The following DNAJC13 variants were observed in gnomAD, a reference collection of about 807,000 sequenced individuals.
The protein encoded by DNAJC13 is dnaJ homolog subfamily C member 13.
In DNAJC13, 75 loss-of-function variants were observed where a neutral mutation model predicts 290.5. That is an observed-to-expected ratio of 0.26 (90% CI 0.21 to 0.31). The LOEUF is 0.31. Among genes scored for constraint, DNAJC13 ranks in the 10% least tolerant of loss-of-function variants. DNAJC13 has a pLI of 1.00. For missense variants in DNAJC13, 2,260 were observed against 2,674.5 expected (o/e 0.85, Z 3.42); for synonymous variants, 862 against 892.0 (o/e 0.97, Z 0.60).
Position 132,500,829 on chromosome 3 carries a change from T to C in DNAJC13, c.4452T>C (p.Ala1484=), listed in dbSNP as rs1488683716. 3.1e-6 allele frequency: 5 copies of C among 1,614,102 alleles called. No homozygotes were observed. Among genetic ancestry groups the C allele is most frequent in the Non-Finnish European group, 4.2e-6 (5 of 1,179,946 alleles). Residue 1484 remains alanine (A), a synonymous_variant, in exon 39 of 56, where the codon GCT becomes GCC. Transcript: ENST00000260818. ...CGYISKCYSV[A]AQFEECREKI... is the part of the protein sequence containing the mutation. ...ACATAAGTAAATGCTACAGTGTGGC[T>C]GCTCAGTTTGAGGAATGCCGAGAGA...
At chr3:132,533,525 G>A (rs534431758) in intron 55 of DNAJC13, among the ~76,000 whole-genome samples, 2 of 151,902 alleles carry the variant, frequency 1.3e-5, no homozygotes, top group South Asian at 2.1e-4. Context: ...TAGTAGAGAC[G>A]GGGTTTTGCT....
At chr3:132,506,034 C>G (rs1301511899) in intron 42 of DNAJC13, among the ~76,000 whole-genome samples, 1 of 117,300 alleles carries the variant, frequency 8.5e-6, no homozygotes, top group Non-Finnish European at 1.8e-5. Context: ...TCTTACATGT[C>G]TGTACATTAT....
intron 39 of DNAJC13, 54 bp from the exon 40 acceptor site, chr3:132,502,235 T>C: frequency 1.6e-6 from 1 of 641,926 alleles, no homozygotes. Context: ...TTGGGAGCTT[T>C]TTTTTTTTTT....
At chr3:132,493,657 A>C (rs184757109) in intron 33 of DNAJC13, among the ~76,000 whole-genome samples, 180 of 151,984 alleles carry the variant, frequency 1.2e-3, no homozygotes, top group African/African-American at 4.2e-3. Flanking sequence ...CTTGTGTTCT[A>C]TCCGTTACAT....
At chr3:132,457,413 C>A in intron 13 of DNAJC13, 45 bp downstream of exon 13, 1 of 1,497,664 alleles carries the variant, frequency 6.7e-7, no homozygotes, top group Non-Finnish European at 9.2e-7. Flanking sequence ...CTTAAGTTGA[C>A]TGGTGGTTTT....
intron 21 of DNAJC13, 107 bp downstream of exon 21, chr3:132,473,334 T>A: frequency 1.4e-6 from 1 of 727,534 alleles, no homozygotes. Context: ...CCACATGTAT[T>A]TTTATGCCAT....
chr3:132,462,461 T>A lies in DNAJC13; in HGVS notation c.1714-6T>A. 2.5e-6 allele frequency: 4 copies of A among 1,609,124 alleles called. No homozygotes were observed. The highest frequency in any genetic ancestry group is 3.4e-6 in the Non-Finnish European group (4 of 1,178,306). ...TTTTTGATACTTTTTCCCCCTCACT[T>A]TAAAGCATCCTTCCATGGCAATAAT... On this transcript the variant is annotated splice_region_variant and splice_polypyrimidine_tract_variant and intron_variant, in intron 15 of 55. Coordinates refer to ENST00000260818, the MANE Select transcript of DNAJC13 (RefSeq NM_015268.4).
Position 132,460,331 on chromosome 3 carries a change from T to C in DNAJC13, c.1531T>C (p.Leu511=). The C allele has an allele frequency of 1.2e-6, 2 of 1,611,370 alleles. No individual in the cohort carries two copies. Residue 511 remains leucine (L), a synonymous_variant, in exon 14 of 56, where the codon TTA becomes CTA. Transcript: ENST00000260818. The stretch of plus-strand genomic sequence containing the variant: ...CTCGTCAAAGAAGTTTCTGGAAAAC[T>C]TACTGGAGAAATTTAATTCCCATGT... ...LLSSKKFLEN[L]LEKFNSHVDH... is the part of the protein sequence containing the mutation.
chr3:132,525,539 A>G (rs1936227649), intron 51 of DNAJC13, 71 bp from the exon 52 acceptor site: 1 of 1,503,968 alleles, frequency 6.6e-7, no homozygotes, highest in African/African-American at 1.4e-5. Context: ...TGAACACCAA[A>G]TACATTACCT....
chr3:132,500,869 C>A lies in DNAJC13; in HGVS notation c.4492C>A (p.Pro1498Thr). 1 of 1,613,934 alleles carries A rather than the reference C, an allele frequency of 6.2e-7. No individual in the cohort carries two copies. Among genetic ancestry groups the A allele is most frequent in the Admixed American group, 1.7e-5 (1 of 60,004 alleles). Residue 1498 changes from proline (P) to threonine (T), a missense_variant, in exon 39 of 56, where the codon CCT becomes ACT. Physicochemically the swap from Pro to Thr is conservative, Grantham distance 38. Transcript: ENST00000260818. ...ATGCCGAGAGAAGATCACGGAAATG[C>A]CTAGCATCATCAAGGATCTCTGTCG... ...EECREKITEM[P>T]SIIKDLCRVL...
At chr3:132,425,016 T>TA (rs1372073959) in intron 1 of DNAJC13, among the ~76,000 whole-genome samples, 1 of 152,118 alleles carries the variant, frequency 6.6e-6, no homozygotes, top group African/African-American at 2.4e-5. Flanking sequence ...TTAATCTGGG[T>TA]AAAAATGAAC....
At chr3:132,495,547 A>G (rs1003801012) in intron 35 of DNAJC13, among the ~76,000 whole-genome samples, 3 of 152,190 alleles carry the variant, frequency 2.0e-5, no homozygotes, top group Non-Finnish European at 2.9e-5. Flanking sequence ...ATTTTTTCCA[A>G]TGACATCCAA....
chr3:132,471,345 A>AC (rs1313255346), intron 20 of DNAJC13, among the ~76,000 whole-genome samples: 4,554 of 76,984 alleles, frequency 0.059, 262 homozygotes, highest in African/African-American at 0.18. Flanking sequence ...CGGGGGGTTG[A>AC]CCCCCCCCCA....
chr3:132,507,430 A>C (rs1469996223), intron 43 of DNAJC13, 77 bp downstream of exon 43: 1 of 825,160 alleles, frequency 1.2e-6, no homozygotes, highest in East Asian at 2.5e-5. Flanking sequence ...TTCACACTTT[A>C]TAGAGGCACA....
In DNAJC13 at chr3:132,417,741, C is replaced by T. The variant is rs1559859828; in HGVS notation, c.-33C>T. Reference sequence around the variant, plus strand: ...CGGCGGGAGGAGCTAGGGCTGGAGCCTCTCCAGCCTCCCGCGAAGGTAAAG... The same window carrying T: ...CGGCGGGAGGAGCTAGGGCTGGAGCTTCTCCAGCCTCCCGCGAAGGTAAAG... On this transcript the variant is annotated 5_prime_UTR_variant, in exon 1 of 56. Transcript: ENST00000260818. 6.6e-6 allele frequency: 1 copy of T among 152,626 alleles called. No individual in the cohort carries two copies. The highest frequency in any genetic ancestry group is 2.4e-5 in the African/African-American group (1 of 41,456). 9.5% of individuals were successfully genotyped at this position (152,626 alleles called of 1,614,324 possible).
At chr3:132,510,459 G>C (rs1327979060) in intron 43 of DNAJC13, among the ~76,000 whole-genome samples, 1 of 152,064 alleles carries the variant, frequency 6.6e-6, no homozygotes, top group Non-Finnish European at 1.5e-5. Flanking sequence ...CTGGCCTCAA[G>C]CAGTCCTCCT....
chr3:132,503,372 T>C lies in DNAJC13; in HGVS notation c.4875T>C (p.Ser1625=), dbSNP rs1339532100. The C allele has an allele frequency of 3.1e-6, 5 of 1,613,922 alleles. No homozygotes were observed. Among genetic ancestry groups the C allele is most frequent in the Middle Eastern group, 3.3e-4 (2 of 6,082 alleles). ...TTGCTAGAAAACTTGCTGTGGCTAGTGTGACTGAGGTATGTGCTTCACAGG... is the reference window on the plus strand; with the variant it reads ...TTGCTAGAAAACTTGCTGTGGCTAGCGTGACTGAGGTATGTGCTTCACAGG... ...PYVARKLAVA[S]VTEILKMLNS... The change falls in exon 41 of 56, where the codon AGT becomes AGC. Residue 1625 remains serine, a synonymous_variant. Coordinates refer to ENST00000260818, the MANE Select transcript of DNAJC13 (RefSeq NM_015268.4).
chr3:132,422,462 A>G (rs1938988126), intron 1 of DNAJC13, among the ~76,000 whole-genome samples: 1 of 152,196 alleles, frequency 6.6e-6, no homozygotes, highest in African/African-American at 2.4e-5. Context: ...CTCAGATGGG[A>G]TGGCATCCTA....
chr3:132,440,682 A>G (rs1933037088), intron 2 of DNAJC13, among the ~76,000 whole-genome samples: 1 of 152,252 alleles, frequency 6.6e-6, no homozygotes, highest in Non-Finnish European at 1.5e-5. Context: ...TGTAAGTACA[A>G]AACTAGTAAT....
Sources: gnomAD v4.1 joint callset for allele counts (sites outside exome capture counted in the v4.1 genomes callset) on GRCh38, gnomAD v4.1.1 for gene constraint, MANE v1.5 for transcripts, NCBI Gene and HGNC (gene_info 2026-07-23, HGNC 2026-07-21) for gene names.